Variants in PRKN observed in about 807,000 individuals in gnomAD.
The protein encoded by PRKN is E3 ubiquitin-protein ligase parkin.
PRKN carries 56 observed loss-of-function variants against 59.5 expected under a neutral mutation model. The observed-to-expected ratio is 0.94, with a 90% confidence interval of 0.76 to 1.18. The LOEUF (loss-of-function observed/expected upper bound fraction) is 1.18. Among genes scored for constraint, PRKN ranks in the 50% most tolerant of loss-of-function variants. The pLI is 0.00. For synonymous variants in PRKN, 250 were observed against 222.1 expected (o/e 1.13, Z -1.12); for missense variants, 657 against 596.4 (o/e 1.10, Z -1.06).
At chr6:162,517,876 G>T (rs73037937) in intron 1 of PRKN, among the ~76,000 whole-genome samples, 13,610 of 152,152 alleles carry the variant, frequency 0.089, 662 homozygotes, top group South Asian at 0.17. Flanking sequence ...GTTATGAATA[G>T]ATTTATGTAT....
intron 1 of PRKN, among the ~76,000 whole-genome samples, chr6:162,473,040 A>C (rs1413986954): frequency 1.3e-5 from 2 of 151,954 alleles, no homozygotes; most frequent in East Asian, 3.9e-4. Flanking sequence ...TTCAAAGAAA[A>C]CATGGTTAAA....
At chr6:162,174,641 G>T (rs1298774468) in intron 4 of PRKN, among the ~76,000 whole-genome samples, 1 of 152,120 alleles carries the variant, frequency 6.6e-6, no homozygotes, top group African/African-American at 2.4e-5. Flanking sequence ...CTTCACACCA[G>T]ACTTCTAATC....
In PRKN at chr6:161,349,637, T is replaced by A. The variant is rs1784441846; in HGVS notation, c.*462A>T. 3.7e-6 allele frequency: 1 copy of A among 266,722 alleles called. No homozygotes were observed. The highest frequency in any genetic ancestry group is 7.3e-6 in the Non-Finnish European group (1 of 137,896). 16.5% of individuals were successfully genotyped at this position (266,722 alleles called of 1,614,324 possible). ...GTTCATTTTACAGAGAAACACCTTG[T>A]CAATGGCATCTTCATGGTGTTTACT... On this transcript the variant is annotated 3_prime_UTR_variant, in exon 12 of 12. Transcript: ENST00000366898. This position sits in a 1 kb window ranked among gnomAD's most constrained non-coding sequence, Gnocchi z 5.5.
At chr6:161,670,249 T>C (rs2128168627) in intron 7 of PRKN, among the ~76,000 whole-genome samples, 1 of 152,176 alleles carries the variant, frequency 6.6e-6, no homozygotes, top group African/African-American at 2.4e-5. Context: ...TAGGAGATAA[T>C]GAAGGGACGT....
chr6:162,134,459 A>T (rs1217835534), intron 4 of PRKN, among the ~76,000 whole-genome samples: 1 of 152,214 alleles, frequency 6.6e-6, no homozygotes, highest in Non-Finnish European at 1.5e-5. Context: ...CGCCAGATAC[A>T]TGTGCAGAAC....
intron 1 of PRKN, among the ~76,000 whole-genome samples, chr6:162,517,447 G>A (rs1340897870): frequency 5.9e-5 from 9 of 151,390 alleles, no homozygotes; most frequent in South Asian, 2.1e-4. Context: ...TAGTAGAGAC[G>A]GGGTTTCACC....
intron 7 of PRKN, among the ~76,000 whole-genome samples, chr6:161,620,137 T>A (rs1198395496): frequency 6.6e-6 from 1 of 151,488 alleles, no homozygotes; most frequent in Non-Finnish European, 1.5e-5. Flanking sequence ...ACTACAGGCA[T>A]ATGCCACCAT....
intron 7 of PRKN, among the ~76,000 whole-genome samples, chr6:161,630,724 GT>G (rs1487114210): frequency 5.9e-5 from 9 of 152,108 alleles, no homozygotes; most frequent in African/African-American, 2.2e-4. Flanking sequence ...GAAGATGTTT[GT>G]CCCCCACCAT....
Position 161,498,484 on chromosome 6 carries a change from T to C in PRKN, c.1083+50370A>G, listed in dbSNP as rs1255337846. On this transcript the variant is annotated intron_variant, in intron 9 of 11. Coordinates refer to ENST00000366898, the MANE Select transcript of PRKN (RefSeq NM_004562.3). The surrounding 1 kb of genome is among the most constrained non-coding windows in gnomAD (Gnocchi z 4.2). ...TTCAGCTCCCTTCTCCCTGAGAGCT[T>C]GTGGGAAGGGTGTGCTGTCCTAACC... Among the ~76,000 whole-genome samples the C allele has an allele frequency of 6.6e-6, 1 of 152,158 alleles. No homozygotes were observed. Among genetic ancestry groups the C allele is most frequent in the Non-Finnish European group, 1.5e-5 (1 of 68,018 alleles).
chr6:162,596,851 A>C (rs113307691), intron 1 of PRKN, among the ~76,000 whole-genome samples: 250 of 152,242 alleles, frequency 1.6e-3, no homozygotes, highest in East Asian at 0.01. Context: ...AGAGAAAGGG[A>C]CTGACTTCCC....
At chr6:162,592,665 G>A (rs73008456) in intron 1 of PRKN, among the ~76,000 whole-genome samples, 15,283 of 151,636 alleles carry the variant, frequency 0.1, 904 homozygotes, top group Middle Eastern at 0.19. Flanking sequence ...CTGGATATAT[G>A]GTTATTTGAT....
chr6:161,990,059 C>T (rs1781586124), intron 5 of PRKN, among the ~76,000 whole-genome samples: 1 of 152,116 alleles, frequency 6.6e-6, no homozygotes, highest in East Asian at 1.9e-4. Flanking sequence ...ACACACCACC[C>T]AGGAGCCCAA....
chr6:162,384,663 C>G (rs73015609), intron 2 of PRKN, among the ~76,000 whole-genome samples: 1 of 125,762 alleles, frequency 8.0e-6, no homozygotes, highest in Non-Finnish European at 1.6e-5. Context: ...AAAAAAAAAA[C>G]AAAAAAAAAA....
At chr6:161,745,094 G>T (rs1311366566) in intron 7 of PRKN, among the ~76,000 whole-genome samples, 1 of 152,178 alleles carries the variant, frequency 6.6e-6, no homozygotes, top group African/African-American at 2.4e-5. Flanking sequence ...GATTTTTAAT[G>T]CTGAGCTCTG....
chr6:162,603,573 T>C (rs1032717851), intron 1 of PRKN, among the ~76,000 whole-genome samples: 15 of 152,188 alleles, frequency 9.9e-5, no homozygotes, highest in Admixed American at 5.2e-4. Context: ...CCAAAACACA[T>C]GCAGGTCCCT....
intron 7 of PRKN, among the ~76,000 whole-genome samples, chr6:161,718,264 C>T (rs1787070932): frequency 6.6e-6 from 1 of 152,084 alleles, no homozygotes; most frequent in Non-Finnish European, 1.5e-5. Flanking sequence ...CCATAGCAAT[C>T]ACCAAGAGGC....
At position 161,399,734 on chromosome 6, in the gene PRKN, T is replaced by G. The variant is rs1459754836; in HGVS notation, c.1084-12857A>C. On this transcript the variant is annotated intron_variant, in intron 9 of 11. Coordinates refer to ENST00000366898, the MANE Select transcript of PRKN (RefSeq NM_004562.3). The surrounding 1 kb of genome is among the most constrained non-coding windows in gnomAD (Gnocchi z 4.4). ...TAGGGATGATGCCAGCATTCTAGTG[T>G]AATTCACTCTGCTAGTGTAATTCTG... is the stretch of plus-strand genomic sequence containing the variant. 6.6e-6 allele frequency among the ~76,000 whole-genome samples: 1 copy of G among 152,202 alleles called. No homozygotes were observed. The highest frequency in any genetic ancestry group is 6.5e-5 in the Admixed American group (1 of 15,286).
Position 162,116,444 on chromosome 6 carries a change from G to C in PRKN, c.535-62270C>G, listed in dbSNP as rs181532329. 3.0e-4 allele frequency among the ~76,000 whole-genome samples: 46 copies of C among 152,306 alleles called. 1 individual carries two copies. The East Asian group carries it at 7.7e-3, about 26-fold the overall frequency. On this transcript the variant is annotated intron_variant, in intron 4 of 11. Coordinates refer to ENST00000366898, the MANE Select transcript of PRKN (RefSeq NM_004562.3). ...TCTAGGAAAGGGACGACATCATAAA[G>C]ATGTGTATAAGAGAAAGAAGATGGC... is the stretch of plus-strand genomic sequence containing the variant.
intron 2 of PRKN, among the ~76,000 whole-genome samples, chr6:162,386,455 G>A (rs1165378503): frequency 1.3e-5 from 2 of 152,174 alleles, no homozygotes; most frequent in African/African-American, 4.8e-5. Flanking sequence ...CTCTGCTCCT[G>A]CCACAAAACA....
Sources: gnomAD v4.1 joint callset for allele counts (sites outside exome capture counted in the v4.1 genomes callset) on GRCh38, gnomAD v4.1.1 for gene constraint, Gnocchi (gnomAD v3.1) non-coding constraint, MANE v1.5 for transcripts, NCBI Gene and HGNC (gene_info 2026-07-23, HGNC 2026-07-21) for gene names.